The following DSCAM variants were observed in gnomAD, a reference collection of about 807,000 sequenced individuals.
The protein encoded by DSCAM is cell adhesion molecule DSCAM.
A neutral mutation model predicts 217.7 loss-of-function variants in DSCAM; 47 were observed. The ratio of observed to expected loss-of-function variants is 0.22; its 90% confidence interval spans 0.17 to 0.28. The LOEUF is 0.28. Among genes scored for constraint, DSCAM ranks in the 10% least tolerant of loss-of-function variants. The pLI, the probability that DSCAM is intolerant of heterozygous loss-of-function variation, is 1.00. For missense variants in DSCAM, 2,080 were observed against 2,618.3 expected, an observed-to-expected ratio of 0.79 and a Z score of 4.49; for synonymous variants, 1,056 against 1,015.3, an observed-to-expected ratio of 1.04 and a Z score of -0.76.
chr21:40,335,618 C>T (rs985870428), intron 8 of DSCAM, among the ~76,000 whole-genome samples: 4 of 152,112 alleles, frequency 2.6e-5, no homozygotes, highest in Middle Eastern at 3.4e-3. Flanking sequence ...AAATTTTTCT[C>T]GAAAGAAATA....
intron 3 of DSCAM, among the ~76,000 whole-genome samples, chr21:40,424,874 A>G (rs879362758): frequency 6.6e-6 from 1 of 152,098 alleles, no homozygotes; most frequent in Non-Finnish European, 1.5e-5. Flanking sequence ...TGGGCAGATC[A>G]CTTAAGTTCA....
chr21:40,548,182 G>A (rs887246022), intron 3 of DSCAM, among the ~76,000 whole-genome samples: 1 of 152,142 alleles, frequency 6.6e-6, no homozygotes, highest in African/African-American at 2.4e-5. Context: ...CCAGCTCCTC[G>A]CACTGTGTCA....
intron 3 of DSCAM, among the ~76,000 whole-genome samples, chr21:40,591,567 T>C (rs2076984603): frequency 6.6e-6 from 1 of 152,300 alleles, no homozygotes; most frequent in African/African-American, 2.4e-5. Context: ...GTATGTTATA[T>C]TGTGTGGAAT....
At chr21:40,271,354 G>A (rs954507337) in intron 11 of DSCAM, among the ~76,000 whole-genome samples, 21 of 152,184 alleles carry the variant, frequency 1.4e-4, no homozygotes, top group African/African-American at 4.8e-4. Flanking sequence ...GCAGGGATCA[G>A]AAAGGACCTA....
At chr21:40,840,603 G>A (rs75223830) in intron 1 of DSCAM, among the ~76,000 whole-genome samples, 15,392 of 152,194 alleles carry the variant, frequency 0.1, 963 homozygotes, top group Admixed American at 0.16. Flanking sequence ...GTGCAACAGT[G>A]ATGAAGTCCC....
chr21:40,378,677 C>T (rs1003815009), intron 3 of DSCAM, among the ~76,000 whole-genome samples: 2 of 143,570 alleles, frequency 1.4e-5, no homozygotes, highest in African/African-American at 5.1e-5. Context: ...CTGCAAGCTC[C>T]GCCTCCCAGG....
intron 3 of DSCAM, among the ~76,000 whole-genome samples, chr21:40,631,665 T>A (rs923940352): frequency 6.6e-6 from 1 of 152,136 alleles, no homozygotes; most frequent in East Asian, 1.9e-4. Flanking sequence ...CACATTTAGG[T>A]GGTGTTCCAT....
At chr21:40,726,186 C>A (rs114603096) in intron 1 of DSCAM, among the ~76,000 whole-genome samples, 2,697 of 152,034 alleles carry the variant, frequency 0.018, 85 homozygotes, top group African/African-American at 0.062. Context: ...GTGTTTAGTC[C>A]GTTGGAGAAT....
chr21:40,031,383 T>C (rs1432890240), intron 32 of DSCAM, among the ~76,000 whole-genome samples: 1 of 152,150 alleles, frequency 6.6e-6, no homozygotes, highest in Non-Finnish European at 1.5e-5. Flanking sequence ...AACACAAATA[T>C]ACGACACTCG....
At chr21:40,566,207 A>G (rs1013053197) in intron 3 of DSCAM, among the ~76,000 whole-genome samples, 1 of 152,006 alleles carries the variant, frequency 6.6e-6, no homozygotes, top group African/African-American at 2.4e-5. Flanking sequence ...GGCACTGTTG[A>G]CGCTCAGAAA....
chr21:40,761,432 C>G (rs2091334245), intron 1 of DSCAM, among the ~76,000 whole-genome samples: 1 of 146,360 alleles, frequency 6.8e-6, no homozygotes. Flanking sequence ...CTCCATCTCT[C>G]ATCTTATATT....
intron 3 of DSCAM, among the ~76,000 whole-genome samples, chr21:40,576,833 T>A (rs895341318): frequency 6.6e-6 from 1 of 152,014 alleles, no homozygotes; most frequent in Non-Finnish European, 1.5e-5. Flanking sequence ...CTAATAATCA[T>A]AAAAAGGGCT....
chr21:40,623,959 C>T (rs1281825399), intron 3 of DSCAM, among the ~76,000 whole-genome samples: 1 of 152,158 alleles, frequency 6.6e-6, no homozygotes, highest in Non-Finnish European at 1.5e-5. Context: ...TCCAGGCACA[C>T]AAGATTTTTT....
At position 40,186,773 on chromosome 21, in the gene DSCAM, C is replaced by G. The variant is rs60746698; in HGVS notation, c.2779+358G>C. 4.0e-3 allele frequency among the ~76,000 whole-genome samples: 608 copies of G among 152,302 alleles called. 1 individual carries two copies. The highest frequency in any genetic ancestry group is 0.014 in the African/African-American group (565 of 41,564). ...CTCAGGCTCTACAAAAGTCACCCAG[C>G]TCGGGAAACGGGAAGTGAAGGGAGC... On this transcript the variant is annotated intron_variant, in intron 14 of 32. Coordinates refer to ENST00000400454, the MANE Select transcript of DSCAM (RefSeq NM_001389.5).
At chr21:40,370,763 G>T (rs1601593643) in intron 3 of DSCAM, among the ~76,000 whole-genome samples, 1 of 152,020 alleles carries the variant, frequency 6.6e-6, no homozygotes, top group Non-Finnish European at 1.5e-5. Context: ...TGGAACTATG[G>T]GAGTGGGCCA....
intron 26 of DSCAM, 95 bp from the exon 27 acceptor site, chr21:40,075,308 C>G: frequency 7.3e-7 from 1 of 1,362,544 alleles, no homozygotes; most frequent in Non-Finnish European, 1.0e-6. Context: ...GCTGTGTGAT[C>G]CAAGGGTGTT....
chr21:40,232,391 T>G (rs1239545946), intron 11 of DSCAM, among the ~76,000 whole-genome samples: 1 of 152,046 alleles, frequency 6.6e-6, no homozygotes, highest in Non-Finnish European at 1.5e-5. Context: ...GATAGACCCA[T>G]AGGAAAAGCT....
intron 9 of DSCAM, among the ~76,000 whole-genome samples, chr21:40,311,269 A>C (rs1361811763): frequency 6.6e-6 from 1 of 152,196 alleles, no homozygotes; most frequent in Non-Finnish European, 1.5e-5. Flanking sequence ...AATGTGGATG[A>C]ATATTGTAAT....
chr21:40,407,891 C>T (rs1160538192), intron 3 of DSCAM, among the ~76,000 whole-genome samples: 1 of 152,190 alleles, frequency 6.6e-6, no homozygotes, highest in African/African-American at 2.4e-5. Context: ...TTATGCATCT[C>T]TTAATAACTG....
Sources: gnomAD v4.1 joint callset for allele counts (sites outside exome capture counted in the v4.1 genomes callset) on GRCh38, gnomAD v4.1.1 for gene constraint, MANE v1.5 for transcripts, NCBI Gene and HGNC (gene_info 2026-07-23, HGNC 2026-07-21) for gene names.